The following RPL28 variants were observed in gnomAD, a reference collection of about 807,000 sequenced individuals.
RPL28 encodes the protein ribosomal protein L28.
A neutral mutation model predicts 12.5 loss-of-function variants in RPL28; 4 were observed. That is an observed-to-expected ratio of 0.32 (90% CI 0.16 to 0.73). The LOEUF is 0.73. RPL28 is among the 30% of genes least tolerant of loss of function. RPL28 has a pLI of 0.66. For missense variants in RPL28, 214 were observed against 197.7 expected (o/e 1.08, Z -0.49); for synonymous variants, 91 against 72.5 (o/e 1.26, Z -1.30).
In RPL28 at chr19:55,390,504, G is replaced by GGCT. The variant is rs1023166522; in HGVS notation, c.*2182_*2184dup. Reference sequence around the variant, plus strand: ...ACAGGCGCTCGAGGCTTTCTGATGTGGCTGCTGCTGCTCAGAAGGCCTTGT... The same window carrying GGCT: ...ACAGGCGCTCGAGGCTTTCTGATGTGGCTGCTGCTGCTGCTCAGAAGGCCTTGT... On this transcript the variant is annotated 3_prime_UTR_variant, in exon 5 of 5. Coordinates refer to ENST00000344063, the MANE Select transcript of RPL28 (RefSeq NM_000991.5). 4.1e-6 allele frequency: 4 copies of GGCT among 985,384 alleles called. No homozygotes were observed. Among genetic ancestry groups the GGCT allele is most frequent in the African/African-American group, 3.5e-5 (2 of 57,232 alleles). The allele number at this position is 985,384 out of a possible 1,614,324, so 61.0% of individuals were successfully genotyped here.
chr19:55,387,383 C>T, intron 3 of RPL28: 1 of 1,551,194 alleles, frequency 6.4e-7, no homozygotes, highest in South Asian at 1.2e-5. Flanking sequence ...TAGTGATCCT[C>T]CTGTCTCAGG....
chr19:55,392,344 G>T (rs571355601), downstream of RPL28, among the ~76,000 whole-genome samples: 14 of 152,080 alleles, frequency 9.2e-5, 1 homozygote, highest in East Asian at 1.7e-3. Flanking sequence ...CAATTGTCCC[G>T]CCTTAGCCCC....
At position 55,391,550 on chromosome 19, in the gene RPL28, A is replaced by G. The variant is rs1005523900; in HGVS notation, c.*3218A>G. On this transcript the variant is annotated 3_prime_UTR_variant, in exon 5 of 5. Transcript: ENST00000344063. ...CTCGGGACTGAGGCATCCTCTGTTC[A>G]CAGGACATGCTGGCATCTACTGGGT... is the stretch of plus-strand genomic sequence containing the variant. 6.5e-7 allele frequency: 1 copy of G among 1,527,736 alleles called. No individual in the cohort carries two copies. Among genetic ancestry groups the G allele is most frequent in the African/African-American group, 1.4e-5 (1 of 72,796 alleles). 94.6% of individuals were successfully genotyped at this position (1,527,736 alleles called of 1,614,324 possible).
intron 4 of RPL28, among the ~76,000 whole-genome samples, chr19:55,402,739 G>C (rs2090069603): frequency 6.6e-6 from 1 of 152,108 alleles, no homozygotes; most frequent in Non-Finnish European, 1.5e-5. Context: ...AGTAGGCCTG[G>C]AGCTCGGTGC....
In RPL28 at chr19:55,391,957, G is replaced by C. The variant is rs1328405562; in HGVS notation, c.*3625G>C. 8.2e-7 allele frequency: 1 copy of C among 1,224,748 alleles called. No homozygotes were observed. The highest frequency in any genetic ancestry group is 1.0e-6 in the Non-Finnish European group (1 of 976,862). 75.9% of individuals were successfully genotyped at this position (1,224,748 alleles called of 1,614,324 possible). On this transcript the variant is annotated 3_prime_UTR_variant, in exon 5 of 5. Coordinates refer to ENST00000344063, the MANE Select transcript of RPL28 (RefSeq NM_000991.5). Reference sequence around the variant, plus strand: ...TGTGAGCTTTCCCAGCCTCCTGCCCGTGTTTGTGAATATCATTCTGTCCTC... The same window carrying C: ...TGTGAGCTTTCCCAGCCTCCTGCCCCTGTTTGTGAATATCATTCTGTCCTC...
At chr19:55,386,872 C>T (rs769129318) in intron 3 of RPL28, 179 bp downstream of exon 3, 23 of 1,545,888 alleles carry the variant, frequency 1.5e-5, no homozygotes, top group African/African-American at 2.7e-5. Flanking sequence ...GTGAGCCGCG[C>T]GCGTCTGAGC....
chr19:55,389,530 C>A lies in RPL28; in HGVS notation c.*1198C>A, dbSNP rs2123283833. On this transcript the variant is annotated 3_prime_UTR_variant, in exon 5 of 5. Coordinates refer to ENST00000344063, the MANE Select transcript of RPL28 (RefSeq NM_000991.5). ...CTCTGCTCCCTGTCTGAGACCACCC[C>A]CGGCTCTGACTGAGAGTAAGGGGAC... is the stretch of plus-strand genomic sequence containing the variant. 1.0e-6 allele frequency: 1 copy of A among 985,456 alleles called. No homozygotes were observed. Among genetic ancestry groups the A allele is most frequent in the South Asian group, 4.7e-5 (1 of 21,290 alleles). The allele number at this position is 985,456 out of a possible 1,614,324, so 61.0% of individuals were successfully genotyped here.
At chr19:55,387,460 GC>G (rs2089943388) in intron 3 of RPL28, 2 of 1,491,124 alleles carry the variant, frequency 1.3e-6, no homozygotes, top group East Asian at 4.9e-5. Flanking sequence ...AGTCCTGAAA[GC>G]TTTCACCTCT....
At chr19:55,392,270 T>TG (rs2089996404), downstream of RPL28, among the ~76,000 whole-genome samples, 1 of 152,176 alleles carries the variant, frequency 6.6e-6, no homozygotes, top group Non-Finnish European at 1.5e-5. Context: ...GTCTCACTGT[T>TG]GCCTGGGTTG....
rs1485382897 is a variant in RPL28, at chr19:55,390,582, C to G, written c.*2250C>G. 6 of 985,658 alleles carry G rather than the reference C, an allele frequency of 6.1e-6. No homozygotes were observed. The highest frequency in any genetic ancestry group is 6.0e-6 in the Non-Finnish European group (5 of 830,208). The allele number at this position is 985,658 out of a possible 1,614,324, so 61.1% of individuals were successfully genotyped here. The stretch of plus-strand genomic sequence containing the variant: ...AGGCTTGTGCCTCTAGGCCCCACCC[C>G]CTGTGGAGTCCTGCTGGCTTTCTCC... On this transcript the variant is annotated 3_prime_UTR_variant, in exon 5 of 5. Transcript: ENST00000344063.
rs757079465 is a variant in RPL28 at position 55,389,686 on chromosome 19, C to T, written c.*1354C>T. The T allele has an allele frequency of 2.4e-4, 235 of 985,464 alleles. No individual in the cohort carries two copies. The highest frequency in any genetic ancestry group is 2.7e-4 in the Non-Finnish European group (227 of 830,038). The allele number at this position is 985,464 out of a possible 1,614,324, so 61.0% of individuals were successfully genotyped here. On this transcript the variant is annotated 3_prime_UTR_variant, in exon 5 of 5. Transcript: ENST00000344063. ...TTGCCCAGCTCGAAGGAGAGCAGATCTGACCACTTGCCAGCCCCTGTCTGC... is the reference window on the plus strand; with the variant it reads ...TTGCCCAGCTCGAAGGAGAGCAGATTTGACCACTTGCCAGCCCCTGTCTGC...
chr19:55,387,155 C>A, intron 3 of RPL28: 8 of 1,284,428 alleles, frequency 6.2e-6, no homozygotes, highest in Non-Finnish European at 8.8e-6. Context: ...TTGGGGACCC[C>A]ACTCCATACA....
chr19:55,387,300 G>A (rs1308440629), intron 3 of RPL28: 1 of 1,551,560 alleles, frequency 6.4e-7, no homozygotes, highest in Non-Finnish European at 8.7e-7. Context: ...GTTTTTCTCA[G>A]GTCCTTGATT....
intron 4 of RPL28, chr19:55,401,456 G>C (rs528548172): frequency 6.2e-7 from 1 of 1,605,656 alleles, no homozygotes; most frequent in African/African-American, 1.3e-5. Context: ...CGCAGCGCCC[G>C]CTTCTTGTCC....
At chr19:55,400,096 T>C (rs959486701) in intron 4 of RPL28, 1 of 152,244 alleles carries the variant, frequency 6.6e-6, no homozygotes, top group Non-Finnish European at 1.5e-5. Context: ...CAACCTCAGC[T>C]GTTTTATTAG....
intron 4 of RPL28, among the ~76,000 whole-genome samples, chr19:55,397,859 G>A (rs574952981): frequency 2.6e-5 from 4 of 152,046 alleles, no homozygotes; most frequent in South Asian, 2.1e-4. Context: ...TAGTGATACC[G>A]CATCTTCTTA....
rs940820500 is a variant in RPL28, at chr19:55,389,975, C to G, written c.*1643C>G. 2.1e-5 allele frequency: 21 copies of G among 985,530 alleles called. No individual in the cohort carries two copies. Among genetic ancestry groups the G allele is most frequent in the Non-Finnish European group, 2.5e-5 (21 of 829,986 alleles). 61.0% of individuals were successfully genotyped at this position (985,530 alleles called of 1,614,324 possible). A position where few individuals can be genotyped will look rare whatever the true frequency, so the allele number is the denominator to read the frequency against. On this transcript the variant is annotated 3_prime_UTR_variant, in exon 5 of 5. Transcript: ENST00000344063. Reference sequence around the variant, plus strand: ...GGACTCCGCCTTCATAAGGAGAGCTCACTGCTCACGTTAGTAGATGGCCCC... The same window carrying G: ...GGACTCCGCCTTCATAAGGAGAGCTGACTGCTCACGTTAGTAGATGGCCCC...
downstream of RPL28, among the ~76,000 whole-genome samples, chr19:55,395,244 C>A (rs1377249577): frequency 1.3e-5 from 2 of 152,086 alleles, no homozygotes; most frequent in African/African-American, 4.8e-5. Flanking sequence ...TCAAGCGATT[C>A]TTCTGCCTCA....
chr19:55,387,738 A>C, intron 3 of RPL28, 192 bp from the exon 4 acceptor site: 1 of 1,442,250 alleles, frequency 6.9e-7, no homozygotes, highest in Admixed American at 2.9e-5. Context: ...CTGTGTCCTC[A>C]GTACTCCGTG....
Sources: allele counts gnomAD v4.1 joint callset (sites outside exome capture counted in the v4.1 genomes callset), GRCh38; gene constraint gnomAD v4.1.1; transcripts MANE v1.5; gene names NCBI Gene and HGNC (gene_info 2026-07-23, HGNC 2026-07-21).